Variants in MEF2C observed in about 807,000 individuals in gnomAD.
MEF2C encodes the protein myocyte enhancer factor 2C.
Under a neutral mutation model 50.5 loss-of-function variants are expected in MEF2C, and 6 were observed. The ratio of observed to expected loss-of-function variants is 0.12; its 90% CI spans 0.07 to 0.23. The LOEUF (loss-of-function observed/expected upper bound fraction) is 0.23. MEF2C is among the 10% of genes least tolerant of loss of function. MEF2C has a pLI of 1.00. For synonymous variants in MEF2C, 183 were observed against 228.0 expected (o/e 0.80, Z 1.78); for missense variants, 276 against 605.0 (o/e 0.46, Z 5.70).
chr5:88,776,190 ATAAT>A (rs1784658114), intron 3 of MEF2C, among the ~76,000 whole-genome samples: 1 of 152,102 alleles, frequency 6.6e-6, no homozygotes, highest in South Asian at 2.1e-4. Context: ...ACTTTTCCCC[ATAAT>A]TAAAAAAATT....
chr5:88,734,598 T>TTTTTG, intron 6 of MEF2C: 1 of 883,914 alleles, frequency 1.1e-6, no homozygotes, highest in Non-Finnish European at 1.3e-6. Context: ...TTTTTTTTTT[T>TTTTTG]AGCATTTTCT....
intron 1 of MEF2C, among the ~76,000 whole-genome samples, chr5:88,832,644 G>A (rs1813517125): frequency 6.6e-6 from 1 of 152,070 alleles, no homozygotes; most frequent in South Asian, 2.1e-4. Context: ...TCTAATACCT[G>A]TATGAAGATT....
At chr5:88,818,339 T>C (rs748522291) in intron 2 of MEF2C, among the ~76,000 whole-genome samples, 1 of 151,940 alleles carries the variant, frequency 6.6e-6, no homozygotes, top group Non-Finnish European at 1.5e-5. Context: ...TATGTTACTG[T>C]AAAATACAAT....
At chr5:88,856,757 C>A (rs11749060) in intron 1 of MEF2C, among the ~76,000 whole-genome samples, 63,318 of 152,106 alleles carry the variant, frequency 0.42, 13,805 homozygotes, top group East Asian at 0.48. Context: ...GAAGTCAGGA[C>A]GTGAGGTTTG....
chr5:88,896,332 T>A (rs1835112371), intron 1 of MEF2C, among the ~76,000 whole-genome samples: 1 of 152,208 alleles, frequency 6.6e-6, no homozygotes, highest in South Asian at 2.1e-4. Context: ...AGACTTACCC[T>A]GTGTGCTCTC....
upstream of MEF2C, among the ~76,000 whole-genome samples, chr5:88,887,882 A>G: frequency 6.6e-6 from 1 of 152,258 alleles, no homozygotes. Flanking sequence ...AATTTGCAAT[A>G]TACAAAGGAT....
chr5:88,729,915 G>T (rs1393561917), intron 8 of MEF2C, among the ~76,000 whole-genome samples: 1 of 151,848 alleles, frequency 6.6e-6, no homozygotes, highest in African/African-American at 2.4e-5. Flanking sequence ...AAAATCATGA[G>T]ACTTTAATTC....
At chr5:88,850,357 G>A (rs1172137057) in intron 1 of MEF2C, among the ~76,000 whole-genome samples, 1 of 152,160 alleles carries the variant, frequency 6.6e-6, no homozygotes, top group African/African-American at 2.4e-5. Flanking sequence ...CAGATGAAAT[G>A]GAGGCAAAGA....
chr5:88,729,722 T>C (rs1760607410), intron 8 of MEF2C, among the ~76,000 whole-genome samples: 1 of 152,184 alleles, frequency 6.6e-6, no homozygotes, highest in Non-Finnish European at 1.5e-5. Context: ...AGTTTTTATG[T>C]TCAGTTCTAC....
chr5:88,772,279 A>G (rs1186557703), intron 3 of MEF2C: 1 of 152,244 alleles, frequency 6.6e-6, no homozygotes, highest in African/African-American at 2.4e-5. Flanking sequence ...AGAACTTAAG[A>G]TATCAAATTC....
At chr5:88,765,487 A>G (rs747277927) in intron 3 of MEF2C, among the ~76,000 whole-genome samples, 2 of 152,244 alleles carry the variant, frequency 1.3e-5, no homozygotes, top group Non-Finnish European at 2.9e-5. Context: ...TTTAATGATA[A>G]CAAAAGAATT....
At chr5:88,889,621 C>T (rs1834319405) in intron 1 of MEF2C, 1 of 150,278 alleles carries the variant, frequency 6.7e-6, no homozygotes, top group African/African-American at 2.5e-5. Context: ...GGGGGTGTGC[C>T]GACTTGTATT....
chr5:88,889,416 G>C (rs1221998793), intron 1 of MEF2C: 2 of 151,250 alleles, frequency 1.3e-5, no homozygotes, highest in East Asian at 4.0e-4. Context: ...CCCGGCCGAC[G>C]GAGCTGAAGG....
At chr5:88,723,478 TCAAATGCTGCA>T (rs1284120963) in intron 10 of MEF2C, among the ~76,000 whole-genome samples, 2 of 152,186 alleles carry the variant, frequency 1.3e-5, no homozygotes, top group Non-Finnish European at 2.9e-5. Context: ...TGACTAGAAC[TCAAATGCTGCA>T]CAATAACTGT....
At chr5:88,762,022 A>G (rs190430013) in intron 3 of MEF2C, 2 of 152,382 alleles carry the variant, frequency 1.3e-5, no homozygotes, top group Non-Finnish European at 2.9e-5. Flanking sequence ...AAAACAGCTG[A>G]GCTGAGTAAG....
chr5:88,824,063 G>C (rs1019404116), intron 1 of MEF2C, 133 bp from the exon 2 acceptor site: 1 of 983,596 alleles, frequency 1.0e-6, no homozygotes, highest in Non-Finnish European at 1.3e-6. Flanking sequence ...TAACTTTTTT[G>C]TTAAAAATAT....
Position 88,878,367 on chromosome 5 carries a change from A to AT in MEF2C, c.-143+4587dup, listed in dbSNP as rs370357044. On this transcript the variant is annotated intron_variant, in intron 1 of 10. Coordinates refer to ENST00000504921, the MANE Select transcript of MEF2C (RefSeq NM_002397.5). ...ATTACAGGAATGACCCCTTTCTTTCATAAGTATATTGGATAAAAAACATTT... is the reference window on the plus strand; with the variant it reads ...ATTACAGGAATGACCCCTTTCTTTCATTAAGTATATTGGATAAAAAACATTT... Among the ~76,000 whole-genome samples the AT allele has an allele frequency of 2.2e-3, 340 of 152,080 alleles. 2 individuals are homozygous for AT. Among genetic ancestry groups the AT allele is most frequent in the African/African-American group, 7.9e-3 (327 of 41,542 alleles).
At chr5:88,883,425 G>A (rs1833579798), upstream of MEF2C, 1 of 149,488 alleles carries the variant, frequency 6.7e-6, no homozygotes, top group South Asian at 2.1e-4. Context: ...CTGCGTCCAG[G>A]AAGGAAGTGA....
At chr5:88,811,323 T>C (rs1318658281) in intron 2 of MEF2C, among the ~76,000 whole-genome samples, 3 of 152,164 alleles carry the variant, frequency 2.0e-5, no homozygotes, top group African/African-American at 4.8e-5. Context: ...GTAAGCATTG[T>C]TGAAAATTAG....
Sources: gnomAD v4.1 joint callset for allele counts (sites outside exome capture counted in the v4.1 genomes callset) on GRCh38, gnomAD v4.1.1 for gene constraint, MANE v1.5 for transcripts, NCBI Gene and HGNC (gene_info 2026-07-23, HGNC 2026-07-21) for gene names.